The following FDFT1 variants were observed in gnomAD, a reference collection of about 807,000 sequenced individuals.
FDFT1 encodes farnesyl-diphosphate farnesyltransferase 1.
In FDFT1, 68 loss-of-function variants were observed where a neutral mutation model predicts 46.8. The observed-to-expected ratio is 1.45, with a 90% CI of 1.19 to 1.78. FDFT1 has a LOEUF of 1.78. FDFT1 is among the 40% of genes most tolerant of loss of function. FDFT1 has a pLI of 0.00. For missense variants in FDFT1, 928 were observed against 524.4 expected, an observed-to-expected ratio of 1.77 and a Z score of -7.52; for synonymous variants, 351 against 185.1, an observed-to-expected ratio of 1.90 and a Z score of -7.28.
intron 5 of FDFT1, among the ~76,000 whole-genome samples, chr8:11,829,842 T>C (rs1411334023): frequency 6.6e-6 from 1 of 151,650 alleles, no homozygotes; most frequent in Non-Finnish European, 1.5e-5. Context: ...GTGTTTTTTT[T>C]TGTTTTGTTT....
intron 1 of FDFT1, 79 bp downstream of exon 1, chr8:11,803,010 G>A (rs1284472298): frequency 1.3e-6 from 2 of 1,524,744 alleles, no homozygotes; most frequent in Admixed American, 2.1e-5. Context: ...GGCCGGGCCC[G>A]GATCTGGGGC....
intron 1 of FDFT1, among the ~76,000 whole-genome samples, chr8:11,804,893 G>T (rs1434451161): frequency 6.7e-6 from 1 of 148,768 alleles, no homozygotes; most frequent in Non-Finnish European, 1.5e-5. Context: ...ACAGGCGTGA[G>T]CCACTGCACC....
upstream of FDFT1, chr8:11,802,318 G>T (rs1269775222): frequency 2.5e-6 from 1 of 403,022 alleles, no homozygotes; most frequent in Non-Finnish European, 5.0e-6. Flanking sequence ...GGCCGGACAC[G>T]TGGGCGACTT....
chr8:11,811,291 T>C (rs1807678553), intron 3 of FDFT1, among the ~76,000 whole-genome samples: 1 of 152,204 alleles, frequency 6.6e-6, no homozygotes, highest in African/African-American at 2.4e-5. Flanking sequence ...GAAGTAGTAA[T>C]ACCCCATTTA....
chr8:11,808,987 G>T (rs1312128500), intron 2 of FDFT1, 96 bp downstream of exon 2: 2 of 1,517,116 alleles, frequency 1.3e-6, no homozygotes, highest in African/African-American at 1.4e-5. Context: ...GCTCAGCGTT[G>T]CAGCCTCGTT....
intron 7 of FDFT1, among the ~76,000 whole-genome samples, chr8:11,834,849 C>G (rs1811323548): frequency 6.6e-6 from 1 of 152,182 alleles, no homozygotes; most frequent in Admixed American, 6.5e-5. Context: ...TCAAGCCTCG[C>G]ACTGTGGCTC....
chr8:11,820,061 T>C (rs1769669667), intron 3 of FDFT1, among the ~76,000 whole-genome samples: 1 of 152,196 alleles, frequency 6.6e-6, no homozygotes, highest in Non-Finnish European at 1.5e-5. Context: ...ATATTGATCC[T>C]ATTCCTTTGT....
upstream of FDFT1, among the ~76,000 whole-genome samples, chr8:11,797,638 C>CCAA: frequency 1.3e-5 from 1 of 75,520 alleles, no homozygotes; most frequent in East Asian, 4.6e-4. Context: ...CACACACACT[C>CCAA]AAAAAAAAAA....
At chr8:11,826,420 T>C (rs1810004708) in intron 5 of FDFT1, among the ~76,000 whole-genome samples, 2 of 152,222 alleles carry the variant, frequency 1.3e-5, no homozygotes. Context: ...AATCAGTATA[T>C]TCAAGCCTTG....
chr8:11,807,326 T>A (rs761979137), intron 1 of FDFT1, among the ~76,000 whole-genome samples: 26 of 31,178 alleles, frequency 8.3e-4, no homozygotes, highest in Non-Finnish European at 1.2e-3. Flanking sequence ...TTTTAAAAAA[T>A]TTTTTAAAAA....
In FDFT1 at chr8:11,824,540, A is replaced by G. The variant is rs1809697959; in HGVS notation, c.511-1484A>G. On this transcript the variant is annotated intron_variant, in intron 4 of 7. Transcript: ENST00000220584. ...CTTCCTGGGTTCAAGCGAGCCTCCT[A>G]CTTCAGCCCCCTGAGTAACTGGGAC... is the stretch of plus-strand genomic sequence containing the variant. Among the ~76,000 whole-genome samples, 2 of 151,390 alleles carry G rather than the reference A, an allele frequency of 1.3e-5. 1 individual carries two copies. Among genetic ancestry groups the G allele is most frequent in the South Asian group, 4.2e-4 (2 of 4,812 alleles).
intron 3 of FDFT1, among the ~76,000 whole-genome samples, chr8:11,813,411 T>C (rs1808005964): frequency 6.6e-6 from 1 of 152,240 alleles, no homozygotes; most frequent in Admixed American, 6.5e-5. Flanking sequence ...CTTTGTGTTA[T>C]TTGATCTATA....
At chr8:11,826,910 C>G (rs1332345627) in intron 5 of FDFT1, among the ~76,000 whole-genome samples, 1 of 152,190 alleles carries the variant, frequency 6.6e-6, no homozygotes, top group Non-Finnish European at 1.5e-5. Context: ...ATTACGTCTA[C>G]ACAGTACACA....
chr8:11,812,692 C>A (rs969969502), intron 3 of FDFT1, among the ~76,000 whole-genome samples: 6 of 152,202 alleles, frequency 3.9e-5, no homozygotes, highest in African/African-American at 1.4e-4. Flanking sequence ...TGTGGGCCTC[C>A]ATTTGTCCTC....
intron 7 of FDFT1, among the ~76,000 whole-genome samples, chr8:11,836,697 T>C (rs1031485344): frequency 6.6e-6 from 1 of 152,238 alleles, no homozygotes; most frequent in Non-Finnish European, 1.5e-5. Flanking sequence ...TGACTTCTAA[T>C]AGAATTATCT....
intron 3 of FDFT1, among the ~76,000 whole-genome samples, chr8:11,812,714 C>G (rs908992576): frequency 6.6e-6 from 1 of 152,162 alleles, no homozygotes; most frequent in East Asian, 1.9e-4. Context: ...TATCCCAGGC[C>G]TTGCAGAATT....
chr8:11,804,110 G>A (rs1806491844), intron 1 of FDFT1, among the ~76,000 whole-genome samples: 2 of 152,186 alleles, frequency 1.3e-5, no homozygotes, highest in Admixed American at 6.5e-5. Context: ...GAACAAGCTA[G>A]GTGAAGACCT....
At chr8:11,813,520 C>T (rs942932841) in intron 3 of FDFT1, among the ~76,000 whole-genome samples, 3 of 152,092 alleles carry the variant, frequency 2.0e-5, no homozygotes, top group Non-Finnish European at 4.4e-5. Context: ...AGTACTTTGC[C>T]TAGGATTACC....
At chr8:11,831,274 T>C (rs1345304318) in intron 6 of FDFT1, among the ~76,000 whole-genome samples, 4 of 152,252 alleles carry the variant, frequency 2.6e-5, no homozygotes, top group African/African-American at 4.8e-5. Context: ...AATGGAACTT[T>C]TGTGGCTACA....
Sources: gnomAD v4.1 joint callset for allele counts (sites outside exome capture counted in the v4.1 genomes callset) on GRCh38, gnomAD v4.1.1 for gene constraint, MANE v1.5 for transcripts, NCBI Gene and HGNC (gene_info 2026-07-23, HGNC 2026-07-21) for gene names.